LARP4B: variants seen among roughly 807,000 people sequenced by gnomAD.
LARP4B encodes La ribonucleoprotein 4B, also known as la-related protein 4B.
Under a neutral mutation model 89.8 loss-of-function variants are expected in LARP4B, and 12 were observed. The ratio of observed to expected loss-of-function variants is 0.13; its 90% CI spans 0.09 to 0.22. The LOEUF is 0.22. Among genes scored for constraint, LARP4B ranks in the 10% least tolerant of loss-of-function variants. The probability of loss-of-function intolerance (pLI) is 1.00; values close to 1 mark genes in which losing one functional copy is unlikely to be tolerated. For missense variants in LARP4B, 757 were observed against 947.7 expected, an observed-to-expected ratio of 0.80 and a Z score of 2.64; for synonymous variants, 367 against 363.3, an observed-to-expected ratio of 1.01 and a Z score of -0.12.
At chr10:967,343 A>G in the LARP4B span, among the ~76,000 whole-genome samples, 1 of 152,244 alleles carries the variant, frequency 6.6e-6, no homozygotes, top group Non-Finnish European at 1.5e-5. Context: ...ACACCTTAAA[A>G]AGGAACGTAT....
At chr10:833,611 G>A (rs551069195) in intron 8 of LARP4B, among the ~76,000 whole-genome samples, 3 of 152,270 alleles carry the variant, frequency 2.0e-5, no homozygotes, top group African/African-American at 4.8e-5. Flanking sequence ...CAGAAATTGG[G>A]CCCGGTGCGG....
At chr10:976,207 G>A in the LARP4B span, among the ~76,000 whole-genome samples, 7,494 of 131,710 alleles carry the variant, frequency 0.057, 718 homozygotes, top group Middle Eastern at 0.073. Flanking sequence ...TGTGCGGCCC[G>A]GCTTAGTAGA....
At chr10:934,513 A>C (rs943289797), upstream of LARP4B, among the ~76,000 whole-genome samples, 2 of 152,066 alleles carry the variant, frequency 1.3e-5, no homozygotes, top group Non-Finnish European at 2.9e-5. Context: ...GAAAAAAACT[A>C]AAACTAAAAG....
rs747996928 is a variant in LARP4B at position 863,840 on chromosome 10, G to A, written c.333C>T (p.Ala111=). 7 of 1,614,028 alleles carry A rather than the reference G, an allele frequency of 4.3e-6. No individual in the cohort carries two copies. The highest frequency in any genetic ancestry group is 1.7e-5 in the Admixed American group (1 of 59,982). Residue 111 remains alanine (A), a synonymous_variant, in exon 5 of 18, where the codon GCC becomes GCT. Coordinates refer to ENST00000316157, the MANE Select transcript of LARP4B (RefSeq NM_015155.3). ...CCGACTCCTGCGGGTCTGGCAATGC[G>A]GCATTCTCATGGCCCTGGTCACCAT... is the stretch of plus-strand genomic sequence containing the variant. ...NGDGDQGHEN[A]ALPDPQESDP...
At chr10:930,008 G>GA (rs1332144256) in intron 1 of LARP4B, among the ~76,000 whole-genome samples, 4 of 151,864 alleles carry the variant, frequency 2.6e-5, no homozygotes, top group African/African-American at 9.7e-5. Context: ...AGAAAAAACT[G>GA]AAAAGCCACA....
At chr10:946,195 G>A in the LARP4B span, among the ~76,000 whole-genome samples, 9 of 152,276 alleles carry the variant, frequency 5.9e-5, no homozygotes, top group East Asian at 7.7e-4. Flanking sequence ...CACATTTATC[G>A]TTTTTTGGTT....
rs1277356764 is a variant in LARP4B at position 811,493 on chromosome 10, T to G, written c.*1433A>C. On this transcript the variant is annotated 3_prime_UTR_variant, in exon 18 of 18. Coordinates refer to ENST00000316157, the MANE Select transcript of LARP4B (RefSeq NM_015155.3). ...ACTAGCTCTTGTACTACAGTATGCT[T>G]ACTCAGTAAAACTAGCGACAGGAGA... 1 of 152,664 alleles carries G rather than the reference T, an allele frequency of 6.6e-6. No individual in the cohort carries two copies. The highest frequency in any genetic ancestry group is 1.9e-4 in the East Asian group (1 of 5,202). 9.5% of individuals were successfully genotyped at this position (152,664 alleles called of 1,614,324 possible). A position where few individuals can be genotyped will look rare whatever the true frequency, so the allele number is the denominator to read the frequency against.
intron 3 of LARP4B, among the ~76,000 whole-genome samples, chr10:872,006 G>A (rs1835227780): frequency 6.6e-6 from 1 of 152,154 alleles, no homozygotes. Flanking sequence ...GCCACCAGGT[G>A]GATGATCCAT....
chr10:906,482 G>A (rs1027763809), intron 1 of LARP4B, among the ~76,000 whole-genome samples: 3 of 152,332 alleles, frequency 2.0e-5, no homozygotes, highest in East Asian at 1.9e-4. Flanking sequence ...GAAGCCCAGC[G>A]CCAGTGTGGT....
chr10:928,994 C>A (rs998738936), intron 1 of LARP4B, among the ~76,000 whole-genome samples: 4 of 152,192 alleles, frequency 2.6e-5, no homozygotes, highest in Admixed American at 6.5e-5. Flanking sequence ...TCAATAAATT[C>A]TTTAAATCTC....
chr10:876,431 A>G (rs1388906277), intron 3 of LARP4B, among the ~76,000 whole-genome samples: 2 of 152,214 alleles, frequency 1.3e-5, no homozygotes, highest in Non-Finnish European at 2.9e-5. Flanking sequence ...AGGGAGAAAT[A>G]GGCAAGAAGA....
intron 5 of LARP4B, among the ~76,000 whole-genome samples, chr10:862,088 T>C (rs533163220): frequency 7.0e-4 from 107 of 152,212 alleles, no homozygotes; most frequent in South Asian, 4.2e-3. Context: ...ATACTGGCCT[T>C]CCTCAGATTT....
intron 3 of LARP4B, among the ~76,000 whole-genome samples, chr10:871,162 T>C (rs1344325971): frequency 1.3e-5 from 2 of 152,224 alleles, no homozygotes; most frequent in Non-Finnish European, 2.9e-5. Context: ...CTTCTAACCT[T>C]TGAGGGTCAC....
At chr10:871,247 T>C (rs1453371566) in intron 3 of LARP4B, among the ~76,000 whole-genome samples, 1 of 152,226 alleles carries the variant, frequency 6.6e-6, no homozygotes, top group Admixed American at 6.5e-5. Flanking sequence ...TGGGCTTGTT[T>C]CCCTCTCTTC....
intron 5 of LARP4B, among the ~76,000 whole-genome samples, chr10:858,590 A>G (rs1834427901): frequency 1.3e-5 from 2 of 152,242 alleles, no homozygotes; most frequent in South Asian, 4.1e-4. Context: ...AGACACTTTG[A>G]ATAAAATAAA....
At chr10:925,101 T>C (rs1196311778) in intron 1 of LARP4B, among the ~76,000 whole-genome samples, 1 of 152,216 alleles carries the variant, frequency 6.6e-6, no homozygotes, top group Non-Finnish European at 1.5e-5. Flanking sequence ...CAGGGCAGGA[T>C]ACACCATAAT....
the LARP4B span, chr10:988,308 A>C: frequency 1.6e-6 from 1 of 622,480 alleles, no homozygotes; most frequent in South Asian, 1.9e-5. Context: ...GCTGACCTCC[A>C]AGCCGGGCGG....
chr10:820,657 T>C, intron 14 of LARP4B, 143 bp downstream of exon 14: 1 of 742,118 alleles, frequency 1.3e-6, no homozygotes, highest in Non-Finnish European at 2.2e-6. Flanking sequence ...AGGGTGTCAG[T>C]TATTACTTAG....
At chr10:829,269 G>A in intron 11 of LARP4B, 116 bp downstream of exon 11, 1 of 853,840 alleles carries the variant, frequency 1.2e-6, no homozygotes, top group East Asian at 2.7e-5. Context: ...TTGAAGGTCT[G>A]TTTTAGTATG....
Sources: gnomAD v4.1 joint callset for allele counts (sites outside exome capture counted in the v4.1 genomes callset) on GRCh38, gnomAD v4.1.1 for gene constraint, MANE v1.5 for transcripts, NCBI Gene and HGNC (gene_info 2026-07-23, HGNC 2026-07-21) for gene names.